EPG5: variants seen among roughly 807,000 people sequenced by gnomAD.
EPG5 encodes the protein ectopic P-granules 5 autophagy tethering factor, also known as ectopic P granules protein 5 homolog.
In EPG5, 159 loss-of-function variants were observed where a neutral mutation model predicts 302.7. The observed-to-expected ratio is 0.53, with a 90% CI of 0.46 to 0.60. EPG5 has a LOEUF of 0.60. Ranked by LOEUF, EPG5 falls within the 20% of genes least tolerant of loss-of-function variation. EPG5 has a pLI of 0.00. For synonymous variants in EPG5, 1,158 were observed against 1,136.8 expected (o/e 1.02, Z -0.37); for missense variants, 2,896 against 3,092.4 (o/e 0.94, Z 1.51).
intron 35 of EPG5, among the ~76,000 whole-genome samples, chr18:45,875,035 A>G (rs1327225338): frequency 1.3e-5 from 2 of 152,250 alleles, no homozygotes; most frequent in Non-Finnish European, 2.9e-5. Context: ...GTGAGTCAGG[A>G]GAGATCAAAA....
intron 21 of EPG5, among the ~76,000 whole-genome samples, chr18:45,912,861 G>T (rs2049939609): frequency 6.6e-6 from 1 of 152,186 alleles, no homozygotes; most frequent in Admixed American, 6.5e-5. Flanking sequence ...GCCAAAGCAG[G>T]TGGATCACTT....
chr18:45,853,410 G>A (rs1327752672), intron 43 of EPG5, among the ~76,000 whole-genome samples: 1 of 152,184 alleles, frequency 6.6e-6, no homozygotes. Flanking sequence ...AGAAGAGAAG[G>A]GGAAGAGACT....
chr18:45,827,602 C>T, the EPG5 span, among the ~76,000 whole-genome samples: 1 of 152,176 alleles, frequency 6.6e-6, no homozygotes, highest in South Asian at 2.1e-4. Context: ...GGCTGTCTAC[C>T]TTTCTTGAGT....
At chr18:45,939,456 G>T (rs1032693917) in intron 10 of EPG5, 144 bp downstream of exon 10, 3 of 709,914 alleles carry the variant, frequency 4.2e-6, no homozygotes, top group African/African-American at 3.6e-5. Flanking sequence ...AGGAAACCAA[G>T]GCCCAAGAAT....
Position 45,867,578 on chromosome 18 carries a change from T to A in EPG5, c.6396A>T (p.Gln2132His), listed in dbSNP as rs780110061. 6.2e-7 allele frequency: 1 copy of A among 1,614,046 alleles called. No individual in the cohort carries two copies. Among genetic ancestry groups the A allele is most frequent in the Non-Finnish European group, 8.5e-7 (1 of 1,179,964 alleles). The change falls in exon 37 of 44, where the codon CAA becomes CAT. Residue 2132 changes from glutamine to histidine, a missense_variant. By Grantham distance (24) the Gln-to-His change is conservative. This residue lies in a region of EPG5 where 620 missense variants were observed against 704.2 expected (regional missense o/e 0.88). Transcript: ENST00000282041. ...CCAAACTTACTGTTTGGTCTACCAG[T>A]TGAACTTCCTTTGCCAATAAAATCA... ...FMMILLAKEV[Q>H]LVDQTDSPLL...
the EPG5 span, among the ~76,000 whole-genome samples, chr18:45,841,830 G>A: frequency 6.6e-5 from 10 of 152,208 alleles, no homozygotes; most frequent in Non-Finnish European, 1.2e-4. Context: ...AGGCCAGGCC[G>A]GAGATTCCGA....
chr18:45,859,412 C>A (rs138258399), intron 40 of EPG5, among the ~76,000 whole-genome samples: 33 of 152,246 alleles, frequency 2.2e-4, no homozygotes, highest in African/African-American at 7.2e-4. Flanking sequence ...CAGGACAGGG[C>A]AGATGGCAGG....
chr18:45,925,849 T>G lies in EPG5; in HGVS notation c.2607A>C (p.Ala869=). 6.4e-7 allele frequency: 1 copy of G among 1,569,714 alleles called. No individual in the cohort carries two copies. The highest frequency in any genetic ancestry group is 8.6e-7 in the Non-Finnish European group (1 of 1,161,550). ...AATCCCGAATCACCGCTATCTCAGA[T>G]GCAGAAGGTTGCCAAAGATACAAAG... The part of the protein sequence containing the change: ...ELPLYLWQPS[A]SEIAVIRDWL... Residue 869 remains alanine (A), a synonymous_variant, in exon 14 of 44, where the codon GCA becomes GCC. Transcript: ENST00000282041.
the EPG5 span, among the ~76,000 whole-genome samples, chr18:45,831,773 T>C: frequency 1.3e-5 from 2 of 151,258 alleles, no homozygotes; most frequent in Non-Finnish European, 2.9e-5. Flanking sequence ...GTTTCACTCT[T>C]GTTGCCCAGG....
Position 45,860,597 on chromosome 18 carries a change from ATACT to A in EPG5, c.6767-255_6767-252del, listed in dbSNP as rs140704324. Among the ~76,000 whole-genome samples, 9,102 of 152,280 alleles carry A rather than the reference ATACT, an allele frequency of 0.06. 519 individuals carry two copies. The highest frequency in any genetic ancestry group is 0.15 in the African/African-American group (6,289 of 41,520). On this transcript the variant is annotated intron_variant, in intron 39 of 43. Coordinates refer to ENST00000282041, the MANE Select transcript of EPG5 (RefSeq NM_020964.3). ...CTGGGTACAGCAGCATAGCAGAGCA[ATACT>A]TAATAAATAGACAAATCTGAAGCTG...
At chr18:45,900,174 G>A (rs892010319) in intron 26 of EPG5, among the ~76,000 whole-genome samples, 2 of 152,060 alleles carry the variant, frequency 1.3e-5, no homozygotes, top group Non-Finnish European at 1.5e-5. Context: ...AGGCCGAGGC[G>A]GGTGGATCAC....
rs116833688 is a variant in EPG5 at position 45,869,741 on chromosome 18, T to A, written c.6225+826A>T. On this transcript the variant is annotated intron_variant, in intron 36 of 43. Transcript: ENST00000282041. ...GAGTGGCTGACAAGAGCAGCACAGA[T>A]GGGGTTCCATTAAGGGCACTAAAAA... 3.8e-3 allele frequency among the ~76,000 whole-genome samples: 586 copies of A among 152,282 alleles called. 2 individuals are homozygous for A. The highest frequency in any genetic ancestry group is 0.013 in the African/African-American group (554 of 41,556).
intron 2 of EPG5, 148 bp from the exon 3 acceptor site, chr18:45,952,791 A>G (rs1277950302): frequency 1.2e-6 from 1 of 829,262 alleles, no homozygotes; most frequent in Non-Finnish European, 1.9e-6. Flanking sequence ...TGTAGAGAAC[A>G]TTACCAGCAA....
At chr18:45,967,020 C>G (rs757463754) in intron 1 of EPG5, among the ~76,000 whole-genome samples, 157 bp downstream of exon 1, 4 of 151,992 alleles carry the variant, frequency 2.6e-5, no homozygotes, top group Non-Finnish European at 5.9e-5. Context: ...GGAGAAGGGC[C>G]GGTGTCAACG....
At chr18:45,900,629 A>G (rs2049593036) in intron 26 of EPG5, among the ~76,000 whole-genome samples, 1 of 152,174 alleles carries the variant, frequency 6.6e-6, no homozygotes, top group South Asian at 2.1e-4. Context: ...AAGAATATGG[A>G]GAAGTAGAGA....
chr18:45,930,325 G>A (rs940011883), intron 12 of EPG5, among the ~76,000 whole-genome samples: 1 of 152,162 alleles, frequency 6.6e-6, no homozygotes, highest in Admixed American at 6.5e-5. Flanking sequence ...TAAACTGGCT[G>A]GGAAGCTAGG....
At chr18:45,885,492 C>T (rs1220461344) in intron 29 of EPG5, among the ~76,000 whole-genome samples, 1 of 152,074 alleles carries the variant, frequency 6.6e-6, no homozygotes, top group Admixed American at 6.5e-5. Flanking sequence ...AACAAAACTT[C>T]CAGGTTATAG....
At chr18:45,881,032 G>A (rs996503637) in intron 31 of EPG5, among the ~76,000 whole-genome samples, 20 of 152,094 alleles carry the variant, frequency 1.3e-4, no homozygotes, top group African/African-American at 3.6e-4. Flanking sequence ...GGAAAACAAC[G>A]GGCTCACCCA....
the EPG5 span, chr18:45,837,848 G>C: frequency 2.6e-6 from 4 of 1,538,748 alleles, no homozygotes; most frequent in Non-Finnish European, 3.5e-6. Context: ...CGCCGGCGAC[G>C]TCCATGACCG....
Sources: allele counts gnomAD v4.1 joint callset (sites outside exome capture counted in the v4.1 genomes callset), GRCh38; gene constraint gnomAD v4.1.1; regional missense constraint gnomAD v4.1.1; transcripts MANE v1.5; gene names NCBI Gene and HGNC (gene_info 2026-07-23, HGNC 2026-07-21).